The following HSD17B13 variants were observed in gnomAD, a reference collection of about 807,000 sequenced individuals.
HSD17B13 encodes the protein 17-beta-hydroxysteroid dehydrogenase 13.
In HSD17B13, 26 loss-of-function variants were observed where a neutral mutation model predicts 31.1. The observed-to-expected ratio is 0.84, with a 90% CI of 0.61 to 1.16. HSD17B13 has a LOEUF of 1.16. Ranked by LOEUF, HSD17B13 falls within the 50% of genes most tolerant of loss-of-function variation. The pLI, the probability that HSD17B13 is intolerant of heterozygous loss-of-function variation, is 0.00. For synonymous variants in HSD17B13, 141 were observed against 133.7 expected (o/e 1.05, Z -0.38); for missense variants, 374 against 366.5 (o/e 1.02, Z -0.17).
rs940078222 is a variant in HSD17B13 at position 87,304,275 on chromosome 4, C to T, written c.*943G>A. On this transcript the variant is annotated 3_prime_UTR_variant, in exon 7 of 7. Coordinates refer to ENST00000328546, the MANE Select transcript of HSD17B13 (RefSeq NM_178135.5). ...AGTGAGCTGAGATCATACCACTGCACTCCAGCCTGGGCGAAAGAGTGAGAC... is the reference window on the plus strand; with the variant it reads ...AGTGAGCTGAGATCATACCACTGCATTCCAGCCTGGGCGAAAGAGTGAGAC... 1 of 152,740 alleles carries T rather than the reference C, an allele frequency of 6.5e-6. No homozygotes were observed. Among genetic ancestry groups the T allele is most frequent in the Admixed American group, 6.5e-5 (1 of 15,272 alleles). 9.5% of individuals were successfully genotyped at this position (152,740 alleles called of 1,614,324 possible).
chr4:87,310,499 T>C, intron 5 of HSD17B13, 140 bp from the exon 6 acceptor site: 1 of 1,019,416 alleles, frequency 9.8e-7, no homozygotes, highest in Non-Finnish European at 1.3e-6. Flanking sequence ...GCTGCATTAA[T>C]GCCACCCTAC....
chr4:87,307,720 C>G (rs566634821), intron 6 of HSD17B13, among the ~76,000 whole-genome samples: 15 of 152,020 alleles, frequency 9.9e-5, no homozygotes, highest in Non-Finnish European at 1.9e-4. Context: ...AGGCTGGTCT[C>G]GAATGCCTGA....
chr4:87,313,235 GTTTAGTTC>G (rs1734575083), intron 5 of HSD17B13, among the ~76,000 whole-genome samples: 1 of 152,024 alleles, frequency 6.6e-6, no homozygotes, highest in Non-Finnish European at 1.5e-5. Context: ...ACAGAGAATT[GTTTAGTTC>G]TTTTGAATGA....
At chr4:87,319,035 A>G (rs1168366551) in intron 1 of HSD17B13, among the ~76,000 whole-genome samples, 2 of 151,954 alleles carry the variant, frequency 1.3e-5, no homozygotes, top group African/African-American at 4.8e-5. Flanking sequence ...ACAAAAAATT[A>G]GCTGGGCGTG....
At chr4:87,308,456 T>C (rs1389900250) in intron 6 of HSD17B13, among the ~76,000 whole-genome samples, 2 of 108,062 alleles carry the variant, frequency 1.9e-5, no homozygotes, top group Admixed American at 1.4e-4. Flanking sequence ...GAGACCATCC[T>C]GGCTAACAGG....
At chr4:87,309,032 CAACA>C (rs1302955565) in intron 6 of HSD17B13, among the ~76,000 whole-genome samples, 1 of 150,706 alleles carries the variant, frequency 6.6e-6, no homozygotes, top group Non-Finnish European at 1.5e-5. Flanking sequence ...TATATACTGA[CAACA>C]AACAATGGGA....
At chr4:87,314,670 C>T (rs1023426694) in intron 4 of HSD17B13, among the ~76,000 whole-genome samples, 1 of 150,086 alleles carries the variant, frequency 6.7e-6, no homozygotes, top group Non-Finnish European at 1.5e-5. Context: ...CACACACACA[C>T]TTTCATGGCA....
At chr4:87,319,979 T>C (rs1428946155) in intron 1 of HSD17B13, among the ~76,000 whole-genome samples, 2 of 152,228 alleles carry the variant, frequency 1.3e-5, no homozygotes, top group African/African-American at 4.8e-5. Flanking sequence ...ATCTGTAAAC[T>C]CTTCTCTGTG....
At chr4:87,316,903 G>A (rs557291565) in intron 3 of HSD17B13, among the ~76,000 whole-genome samples, 189 bp downstream of exon 3, 1 of 152,292 alleles carries the variant, frequency 6.6e-6, no homozygotes, top group Non-Finnish European at 1.5e-5. Context: ...CTGGTGTGTT[G>A]TGTCCACTTG....
chr4:87,310,146 C>G, intron 6 of HSD17B13, 97 bp downstream of exon 6: 3 of 1,403,580 alleles, frequency 2.1e-6, no homozygotes, highest in Non-Finnish European at 1.9e-6. Context: ...CGCAATCCAG[C>G]CAGGGTGACA....
chr4:87,317,199 T>C lies in HSD17B13; in HGVS notation c.343A>G (p.Thr115Ala), dbSNP rs1168193982. 1 of 1,613,966 alleles carries C rather than the reference T, an allele frequency of 6.2e-7. No individual in the cohort carries two copies. The highest frequency in any genetic ancestry group is 2.2e-5 in the East Asian group (1 of 44,884). The change falls in exon 3 of 7, where the codon ACA becomes GCA. Residue 115 changes from threonine to alanine, a missense_variant. Coordinates refer to ENST00000328546, the MANE Select transcript of HSD17B13 (RefSeq NM_178135.5). ...NQVKKEVGDV[T>A]IVVNNAGTVY... The stretch of plus-strand genomic sequence containing the variant: ...GTCCCAGCATTATTCACCACGATTG[T>C]TACATCACCCACTTCTTTCTTCACC...
At chr4:87,318,570 A>G (rs1321336245) in intron 1 of HSD17B13, 134 bp from the exon 2 acceptor site, 16 of 652,058 alleles carry the variant, frequency 2.5e-5, no homozygotes, top group South Asian at 4.9e-5. Flanking sequence ...TTGGCCGAGG[A>G]GGGCGGATCA....
chr4:87,311,536 A>T (rs1174426111), intron 5 of HSD17B13, among the ~76,000 whole-genome samples: 2 of 152,174 alleles, frequency 1.3e-5, no homozygotes, highest in Non-Finnish European at 2.9e-5. Context: ...GGTATGTCAT[A>T]CTTCCAGTTT....
chr4:87,309,039 C>T (rs535223291), intron 6 of HSD17B13, among the ~76,000 whole-genome samples: 1 of 150,600 alleles, frequency 6.6e-6, no homozygotes, highest in East Asian at 1.9e-4. Flanking sequence ...TGACAACAAA[C>T]AATGGGAAAT....
In HSD17B13 at chr4:87,322,785, C is replaced by T; in HGVS notation, c.57G>A (p.Leu19=). Residue 19 remains leucine, a synonymous_variant, in exon 1 of 7, where the codon TTG becomes TTA. Coordinates refer to ENST00000328546, the MANE Select transcript of HSD17B13 (RefSeq NM_178135.5). ...GAATGAAAAACTTCACCAACGACTC[C>T]AAGTAGGAGTAGATGATGGTGATCA... The part of the protein sequence containing the change: ...LLLITIIYSY[L]ESLVKFFIPQ... The T allele has an allele frequency of 6.2e-7, 1 of 1,614,094 alleles. No individual in the cohort carries two copies. The highest frequency in any genetic ancestry group is 8.5e-7 in the Non-Finnish European group (1 of 1,180,012).
At chr4:87,310,484 G>T in intron 5 of HSD17B13, 125 bp from the exon 6 acceptor site, 2 of 1,132,838 alleles carry the variant, frequency 1.8e-6, no homozygotes, top group South Asian at 3.3e-5. Context: ...AATATTCCAG[G>T]ATTTGCTGCA....
At chr4:87,308,544 G>C (rs1290056373) in intron 6 of HSD17B13, among the ~76,000 whole-genome samples, 1 of 135,122 alleles carries the variant, frequency 7.4e-6, no homozygotes, top group African/African-American at 2.7e-5. Context: ...AGCTGGGCAT[G>C]GTTGCAGGCG....
intron 5 of HSD17B13, among the ~76,000 whole-genome samples, chr4:87,311,333 A>G (rs1009740158): frequency 1.3e-5 from 2 of 152,088 alleles, no homozygotes; most frequent in African/African-American, 2.4e-5. Flanking sequence ...TTACTTTCCT[A>G]ATAAACTTGC....
intron 3 of HSD17B13, 37 bp from the exon 4 acceptor site, chr4:87,315,636 A>G (rs767480966): frequency 3.0e-6 from 4 of 1,336,296 alleles, no homozygotes; most frequent in East Asian, 4.7e-5. Flanking sequence ...AGACAATGAC[A>G]TAGACGTTAG....
Sources: gnomAD v4.1 joint callset for allele counts (sites outside exome capture counted in the v4.1 genomes callset) on GRCh38, gnomAD v4.1.1 for gene constraint, MANE v1.5 for transcripts, NCBI Gene and HGNC (gene_info 2026-07-23, HGNC 2026-07-21) for gene names.